Variants in RSF1 observed in about 807,000 individuals in gnomAD.
The protein encoded by RSF1 is remodeling and spacing factor 1, also known as HBV pX-associated protein 8.
Under a neutral mutation model 145.2 loss-of-function variants are expected in RSF1, and 13 were observed. The observed-to-expected ratio is 0.09, with a 90% CI of 0.06 to 0.14. RSF1 has a LOEUF of 0.14. RSF1 is among the 10% of genes least tolerant of loss of function. The probability of loss-of-function intolerance (pLI) is 1.00; values close to 1 mark genes in which losing one functional copy is unlikely to be tolerated. For missense variants in RSF1, 1,517 were observed against 1,718.2 expected (o/e 0.88, Z 2.07); for synonymous variants, 577 against 592.6 (o/e 0.97, Z 0.38).
chr11:77,787,237 TG>T (rs1427289931), intron 1 of RSF1, among the ~76,000 whole-genome samples: 1 of 152,084 alleles, frequency 6.6e-6, no homozygotes, highest in Non-Finnish European at 1.5e-5. Context: ...ACAGCAAGAA[TG>T]GAAAAGCTCA....
chr11:77,852,997 GA>G, the RSF1 span, among the ~76,000 whole-genome samples: 1 of 152,092 alleles, frequency 6.6e-6, no homozygotes, highest in Non-Finnish European at 1.5e-5. Flanking sequence ...ATACTACATT[GA>G]ATAACCATGT....
the RSF1 span, chr11:77,872,042 G>A: frequency 9.8e-7 from 1 of 1,016,516 alleles, no homozygotes; most frequent in Non-Finnish European, 1.4e-6. Context: ...ATTTTGGACT[G>A]GTGATACACT....
chr11:77,686,857 C>T (rs556401448), intron 9 of RSF1, among the ~76,000 whole-genome samples: 2 of 152,270 alleles, frequency 1.3e-5, no homozygotes, highest in South Asian at 2.1e-4. Context: ...TATACTTCCT[C>T]ATTTGATTAC....
At chr11:77,792,651 A>G (rs1763698745) in intron 1 of RSF1, among the ~76,000 whole-genome samples, 1 of 152,096 alleles carries the variant, frequency 6.6e-6, no homozygotes, top group Admixed American at 6.5e-5. Flanking sequence ...AAGAAATCAT[A>G]CAGAGATTAC....
chr11:77,779,208 G>A (rs1048234153), intron 1 of RSF1, among the ~76,000 whole-genome samples: 3 of 149,762 alleles, frequency 2.0e-5, no homozygotes, highest in Admixed American at 2.0e-4. Context: ...CCTCCCAAAG[G>A]CCATTTATTT....
Position 77,733,865 on chromosome 11 carries a change from C to T in RSF1, c.578+6866G>A, listed in dbSNP as rs189152762. Among the ~76,000 whole-genome samples the T allele has an allele frequency of 1.9e-4, 29 of 152,310 alleles. No homozygotes were observed. In the East Asian group the frequency reaches 5.2e-3, roughly 27 times the overall value. On this transcript the variant is annotated intron_variant, in intron 4 of 15. Transcript: ENST00000308488. Reference sequence around the variant, plus strand: ...GTGTGAGCCATCATGCTGAGCCCATCTTTTTCATTCCTAAACAAATTCTAT... The same window carrying T: ...GTGTGAGCCATCATGCTGAGCCCATTTTTTTCATTCCTAAACAAATTCTAT...
chr11:77,791,866 C>G (rs1485608413), intron 1 of RSF1, among the ~76,000 whole-genome samples: 3 of 152,154 alleles, frequency 2.0e-5, no homozygotes, highest in African/African-American at 7.2e-5. Context: ...TCTAAACTTT[C>G]CTACATTTTC....
At chr11:77,843,857 T>C in the RSF1 span, among the ~76,000 whole-genome samples, 1 of 152,078 alleles carries the variant, frequency 6.6e-6, no homozygotes, top group Non-Finnish European at 1.5e-5. Flanking sequence ...CTCACAATCA[T>C]GGCAGAAGGC....
At chr11:77,672,358 T>G in intron 14 of RSF1, 128 bp from the exon 15 acceptor site, 1 of 713,816 alleles carries the variant, frequency 1.4e-6, no homozygotes, top group Non-Finnish European at 2.3e-6. Context: ...CAGTAACTTT[T>G]ATGAGTCTCA....
intron 2 of RSF1, among the ~76,000 whole-genome samples, chr11:77,751,994 G>A (rs1430168307): frequency 6.6e-6 from 1 of 152,164 alleles, no homozygotes; most frequent in Non-Finnish European, 1.5e-5. Context: ...ATATTACTAT[G>A]TGCAGACTAT....
At chr11:77,690,432 G>T (rs1054326389) in intron 9 of RSF1, among the ~76,000 whole-genome samples, 3 of 152,136 alleles carry the variant, frequency 2.0e-5, no homozygotes, top group East Asian at 3.8e-4. Flanking sequence ...TTCAGAGAAG[G>T]TTCTGACAAA....
the RSF1 span, chr11:77,868,777 C>A: frequency 4.2e-6 from 1 of 237,858 alleles, no homozygotes; most frequent in Non-Finnish European, 9.2e-6. Context: ...GGTTCTTACA[C>A]AGTGTGCTTC....
intron 1 of RSF1, among the ~76,000 whole-genome samples, chr11:77,804,934 CA>C (rs1293771218): frequency 6.6e-6 from 1 of 152,222 alleles, no homozygotes; most frequent in African/African-American, 2.4e-5. Flanking sequence ...TACCAACTTT[CA>C]ACCCCCACAA....
At chr11:77,827,851 T>A in the RSF1 span, among the ~76,000 whole-genome samples, 1 of 152,212 alleles carries the variant, frequency 6.6e-6, no homozygotes, top group Non-Finnish European at 1.5e-5. Flanking sequence ...ATTACTGATC[T>A]TGTATGTAGG....
At chr11:77,787,215 G>T (rs1036527992) in intron 1 of RSF1, among the ~76,000 whole-genome samples, 3 of 152,050 alleles carry the variant, frequency 2.0e-5, no homozygotes, top group African/African-American at 4.8e-5. Context: ...TATGAACAAG[G>T]CCTGCCCCCC....
intron 1 of RSF1, among the ~76,000 whole-genome samples, chr11:77,777,028 GGACA>G (rs1434661398): frequency 6.6e-6 from 1 of 151,674 alleles, no homozygotes; most frequent in Admixed American, 6.6e-5. Flanking sequence ...ACAAACAAAA[GGACA>G]GACTAGTACA....
At chr11:77,820,961 TTC>T, upstream of RSF1, 2 of 548,634 alleles carry the variant, frequency 3.6e-6, no homozygotes, top group Non-Finnish European at 6.4e-6. Flanking sequence ...TTCCGCCCCC[TTC>T]TCTCCTCCCC....
At chr11:77,813,303 T>A (rs1037069428) in intron 1 of RSF1, 3 of 763,954 alleles carry the variant, frequency 3.9e-6, no homozygotes, top group Non-Finnish European at 6.9e-6. Context: ...GTAATCAATT[T>A]ATTAAAATAG....
chr11:77,732,291 T>C (rs1961225608), intron 4 of RSF1, among the ~76,000 whole-genome samples: 1 of 152,226 alleles, frequency 6.6e-6, no homozygotes. Flanking sequence ...ACCCAATGCC[T>C]GTACCCCCAT....
Sources: allele counts gnomAD v4.1 joint callset (sites outside exome capture counted in the v4.1 genomes callset), GRCh38; gene constraint gnomAD v4.1.1; transcripts MANE v1.5; gene names NCBI Gene and HGNC (gene_info 2026-07-23, HGNC 2026-07-21).